Variants in HECW2 observed in about 807,000 individuals in gnomAD.
HECW2 encodes the protein HECT, C2 and WW domain containing E3 ubiquitin protein ligase 2.
A neutral mutation model predicts 175.2 loss-of-function variants in HECW2; 61 were observed. The ratio of observed to expected loss-of-function variants is 0.35; its 90% CI spans 0.28 to 0.43. The LOEUF (loss-of-function observed/expected upper bound fraction) is 0.43, where lower values mean the gene tolerates loss of function less well. HECW2 is among the 20% of genes least tolerant of loss of function. The pLI is 1.00. For synonymous variants in HECW2, 671 were observed against 731.0 expected (o/e 0.92, Z 1.32); for missense variants, 1,524 against 2,000.5 (o/e 0.76, Z 4.54).
chr2:196,504,206 G>A (rs1354680271), intron 1 of HECW2, among the ~76,000 whole-genome samples: 1 of 148,616 alleles, frequency 6.7e-6, no homozygotes, highest in Non-Finnish European at 1.5e-5. Flanking sequence ...TGAGGCAGGA[G>A]AATCACTTGA....
intron 1 of HECW2, among the ~76,000 whole-genome samples, chr2:196,443,545 TA>T (rs1696097799): frequency 6.6e-6 from 1 of 152,228 alleles, no homozygotes; most frequent in South Asian, 2.1e-4. Context: ...GAATCATTTT[TA>T]AATGTCATGC....
intron 1 of HECW2, among the ~76,000 whole-genome samples, chr2:196,445,936 C>T (rs756647467): frequency 3.3e-5 from 5 of 152,228 alleles, no homozygotes; most frequent in Non-Finnish European, 1.5e-5. Flanking sequence ...TCCCCTCTTC[C>T]ATTCTTGATT....
At chr2:196,552,298 G>A (rs1041615688) in intron 1 of HECW2, among the ~76,000 whole-genome samples, 5 of 152,164 alleles carry the variant, frequency 3.3e-5, no homozygotes, top group Non-Finnish European at 5.9e-5. Context: ...GTGAGAAAAC[G>A]TTTATATTCT....
chr2:196,385,852 T>G (rs1694331702), intron 2 of HECW2, among the ~76,000 whole-genome samples: 1 of 152,234 alleles, frequency 6.6e-6, no homozygotes, highest in Non-Finnish European at 1.5e-5. Context: ...TGAAACTAAC[T>G]TGGTTGGAAG....
intron 2 of HECW2, among the ~76,000 whole-genome samples, chr2:196,395,795 T>C (rs956788393): frequency 3.9e-5 from 6 of 151,976 alleles, no homozygotes; most frequent in Non-Finnish European, 7.4e-5. Context: ...TGTGAAATGG[T>C]GCAGCTGCTA....
chr2:196,220,181 G>T, intron 25 of HECW2, 28 bp from the exon 26 acceptor site: 1 of 1,411,678 alleles, frequency 7.1e-7, no homozygotes, highest in South Asian at 1.1e-5. Context: ...TACAAGGCAT[G>T]GCTTAGGAGC....
intron 1 of HECW2, among the ~76,000 whole-genome samples, chr2:196,451,991 T>C (rs141938787): frequency 1.9e-4 from 29 of 152,352 alleles, no homozygotes; most frequent in African/African-American, 6.5e-4. Context: ...TCTCCATTCT[T>C]CTAACTACAT....
At chr2:196,403,552 A>G (rs1694878689) in intron 2 of HECW2, among the ~76,000 whole-genome samples, 1 of 152,272 alleles carries the variant, frequency 6.6e-6, no homozygotes, top group Non-Finnish European at 1.5e-5. Flanking sequence ...TGACTTGATT[A>G]CAAAGTACTC....
At chr2:196,568,834 C>A (rs1334695509) in intron 1 of HECW2, among the ~76,000 whole-genome samples, 3 of 152,156 alleles carry the variant, frequency 2.0e-5, no homozygotes, top group African/African-American at 7.2e-5. Context: ...CAGCTACTCT[C>A]GAGCCTCATC....
chr2:196,452,668 C>A (rs1356103658), intron 1 of HECW2, among the ~76,000 whole-genome samples: 4 of 152,030 alleles, frequency 2.6e-5, no homozygotes, highest in Non-Finnish European at 5.9e-5. Flanking sequence ...TGAGCACCTG[C>A]ACAAAAGACC....
intron 13 of HECW2, among the ~76,000 whole-genome samples, chr2:196,299,042 G>A (rs1444067321): frequency 6.6e-6 from 1 of 152,104 alleles, no homozygotes; most frequent in Non-Finnish European, 1.5e-5. Context: ...CATACCTTGA[G>A]ACTTCTAGCA....
In HECW2 at chr2:196,343,216, T is replaced by C. The variant is rs181421764; in HGVS notation, c.400+441A>G. Reference sequence around the variant, plus strand: ...GTTCCTTACATAAAGTGTCAGAGTATATGCATATAACCTGTGTACATCCTC... The same window carrying C: ...GTTCCTTACATAAAGTGTCAGAGTACATGCATATAACCTGTGTACATCCTC... On this transcript the variant is annotated intron_variant, in intron 3 of 28. Coordinates refer to ENST00000644978, the MANE Select transcript of HECW2 (RefSeq NM_001348768.2). 8.2e-4 allele frequency among the ~76,000 whole-genome samples: 125 copies of C among 152,270 alleles called. 1 individual carries two copies. The highest frequency in any genetic ancestry group is 2.8e-3 in the African/African-American group (118 of 41,542).
At chr2:196,570,806 A>G (rs1187949616) in intron 1 of HECW2, among the ~76,000 whole-genome samples, 1 of 152,218 alleles carries the variant, frequency 6.6e-6, no homozygotes, top group Non-Finnish European at 1.5e-5. Context: ...TCTAGCTAGT[A>G]TCATGGGACA....
chr2:196,224,003 G>GC (rs1687762005), intron 23 of HECW2, among the ~76,000 whole-genome samples: 1 of 152,166 alleles, frequency 6.6e-6, no homozygotes, highest in African/African-American at 2.4e-5. Context: ...CTGGGCTTGA[G>GC]CACTATAAGT....
rs186468006 is a variant in HECW2 at position 196,430,271 on chromosome 2, A to T, written c.292+2861T>A. On this transcript the variant is annotated intron_variant, in intron 2 of 28. Transcript: ENST00000644978. ...ACAAAGTGTAAAAAATCAAACCTAT[A>T]CAAGCTCAAAGAAATAAACCTGCTT... is the stretch of plus-strand genomic sequence containing the variant. Among the ~76,000 whole-genome samples the T allele has an allele frequency of 2.6e-5, 4 of 152,338 alleles. No individual in the cohort carries two copies. The East Asian group carries it at 7.7e-4, about 29-fold the overall frequency.
chr2:196,315,708 A>T (rs1378354179), intron 10 of HECW2: 2 of 152,240 alleles, frequency 1.3e-5, no homozygotes, highest in Non-Finnish European at 2.9e-5. Flanking sequence ...TTTAAACAAT[A>T]CATTGAGATG....
At chr2:196,592,000 C>T (rs927934584) in intron 1 of HECW2, among the ~76,000 whole-genome samples, 3 of 151,962 alleles carry the variant, frequency 2.0e-5, no homozygotes, top group African/African-American at 7.3e-5. Flanking sequence ...AGAAATGAAC[C>T]CTCGAGGGAA....
chr2:196,393,386 T>G (rs548284514), intron 2 of HECW2, among the ~76,000 whole-genome samples: 41 of 152,150 alleles, frequency 2.7e-4, no homozygotes, highest in African/African-American at 8.9e-4. Context: ...GGGAGAAAAT[T>G]TTTACAATCC....
chr2:196,592,757 G>A (rs1445947544), intron 1 of HECW2: 1 of 152,028 alleles, frequency 6.6e-6, no homozygotes, highest in Non-Finnish European at 1.5e-5. Flanking sequence ...CCTGCGGCGA[G>A]GGCCGCGCGC....
Sources: allele counts gnomAD v4.1 joint callset (sites outside exome capture counted in the v4.1 genomes callset), GRCh38; gene constraint gnomAD v4.1.1; transcripts MANE v1.5; gene names NCBI Gene and HGNC (gene_info 2026-07-23, HGNC 2026-07-21).